AFDN: variants seen among roughly 807,000 people sequenced by gnomAD.
AFDN encodes the protein afadin, adherens junction formation factor, also known as afadin.
Under a neutral mutation model 216.6 loss-of-function variants are expected in AFDN, and 68 were observed. That is an observed-to-expected ratio of 0.31 (90% CI 0.26 to 0.38). The LOEUF (loss-of-function observed/expected upper bound fraction) is 0.38. AFDN is among the 10% of genes least tolerant of loss of function. The pLI is 1.00. For synonymous variants in AFDN, 868 were observed against 853.7 expected, an observed-to-expected ratio of 1.02 and a Z score of -0.29; for missense variants, 2,136 against 2,342.0, an observed-to-expected ratio of 0.91 and a Z score of 1.82.
chr6:167,962,283 T>C lies in AFDN; in HGVS notation c.4834-150T>C. ...CTAAAAAATTGTAAAAAGTTTTATT[T>C]TCCAACAGTGATTTTAACCTGGTAT... is the stretch of plus-strand genomic sequence containing the variant. On this transcript the variant is annotated intron_variant, in intron 30 of 33. Transcript: ENST00000683244. The surrounding 1 kb of genome is among the most constrained non-coding windows in gnomAD (Gnocchi z 5.2). The C allele has an allele frequency of 8.3e-7, 1 of 1,198,350 alleles. No homozygotes were observed. 74.2% of individuals were successfully genotyped at this position (1,198,350 alleles called of 1,614,324 possible). A position where few individuals can be genotyped will look rare whatever the true frequency, so the allele number is the denominator to read the frequency against.
intron 23 of AFDN, among the ~76,000 whole-genome samples, chr6:167,931,664 C>T (rs1490441642): frequency 6.6e-6 from 1 of 151,770 alleles, no homozygotes; most frequent in Non-Finnish European, 1.5e-5. Context: ...TACACACTGC[C>T]GAGATAACAC....
chr6:167,956,818 C>T (rs1222537622), intron 30 of AFDN, among the ~76,000 whole-genome samples: 1 of 152,184 alleles, frequency 6.6e-6, no homozygotes, highest in Non-Finnish European at 1.5e-5. Context: ...ATCTCTGTGC[C>T]CCCGTGACCA....
At chr6:167,932,202 G>A (rs1793393687) in intron 23 of AFDN, among the ~76,000 whole-genome samples, 2 of 152,044 alleles carry the variant, frequency 1.3e-5, no homozygotes, top group Admixed American at 1.3e-4. Context: ...TTTGTCTTTG[G>A]CCCGTTCTTT....
chr6:167,881,725 C>T (rs1052782178), intron 6 of AFDN, among the ~76,000 whole-genome samples: 20 of 152,148 alleles, frequency 1.3e-4, no homozygotes, highest in African/African-American at 3.4e-4. Flanking sequence ...GAATGGAGTC[C>T]GTGGATTTGG....
Position 167,827,063 on chromosome 6 carries a change from C to G in AFDN, c.-70C>G. Reference sequence around the variant, plus strand: ...GGGGTGGCGAGGGGCGCCGGGCCCCCGCGGACCTGTCGTCCTCGGCCCGTC... The same window carrying G: ...GGGGTGGCGAGGGGCGCCGGGCCCCGGCGGACCTGTCGTCCTCGGCCCGTC... On this transcript the variant is annotated 5_prime_UTR_variant, in exon 1 of 34. Coordinates refer to ENST00000683244, the MANE Select transcript of AFDN (RefSeq NM_001386888.1). 1.3e-6 allele frequency: 1 copy of G among 768,134 alleles called. No individual in the cohort carries two copies. Among genetic ancestry groups the G allele is most frequent in the Non-Finnish European group, 1.6e-6 (1 of 623,066 alleles). 47.6% of individuals were successfully genotyped at this position (768,134 alleles called of 1,614,324 possible).
chr6:167,854,923 A>G (rs1398414168), intron 1 of AFDN, among the ~76,000 whole-genome samples: 1 of 151,738 alleles, frequency 6.6e-6, no homozygotes, highest in Non-Finnish European at 1.5e-5. Flanking sequence ...CAACAAAACC[A>G]TTGTATTTTT....
chr6:167,852,220 T>A lies in AFDN; in HGVS notation c.106-12331T>A, dbSNP rs925243948. Among the ~76,000 whole-genome samples, 19 of 152,314 alleles carry A rather than the reference T, an allele frequency of 1.2e-4. No homozygotes were observed. The East Asian group carries it at 3.7e-3, about 29-fold the overall frequency. On this transcript the variant is annotated intron_variant, in intron 1 of 33. Transcript: ENST00000683244. ...TGAGATTCCCTATATCTCTCAAGAA[T>A]GTGGTTTTGCAGTTAATTTATTTGA...
At chr6:167,966,098 C>A in intron 32 of AFDN, 53 bp downstream of exon 32, 2 of 1,536,890 alleles carry the variant, frequency 1.3e-6, no homozygotes, top group South Asian at 1.2e-5. Context: ...TTCTTCCTGC[C>A]CCTCTTAAAC....
chr6:167,850,486 T>G (rs947205605), intron 1 of AFDN, among the ~76,000 whole-genome samples: 30 of 152,220 alleles, frequency 2.0e-4, no homozygotes, highest in Non-Finnish European at 5.9e-5. Context: ...GGAAGCACTT[T>G]GATTATAGGA....
intron 23 of AFDN, among the ~76,000 whole-genome samples, chr6:167,935,330 T>C (rs2128580764): frequency 6.6e-6 from 1 of 152,332 alleles, no homozygotes; most frequent in African/African-American, 2.4e-5. Context: ...CAGTGTGTGC[T>C]ACACGTTGGG....
intron 18 of AFDN, 24 bp from the exon 19 acceptor site, chr6:167,915,144 T>C: frequency 6.2e-7 from 1 of 1,611,694 alleles, no homozygotes; most frequent in Non-Finnish European, 8.5e-7. Flanking sequence ...TTGCTCCTCT[T>C]GTCCTCTCAC....
Position 167,956,131 on chromosome 6 carries a change from A to C in AFDN, c.4833+3944A>C, listed in dbSNP as rs545261255. 5.2e-4 allele frequency among the ~76,000 whole-genome samples: 79 copies of C among 151,186 alleles called. 1 individual carries two copies. Among genetic ancestry groups the C allele is most frequent in the African/African-American group, 1.9e-3 (77 of 41,348 alleles). On this transcript the variant is annotated intron_variant, in intron 30 of 33. Coordinates refer to ENST00000683244, the MANE Select transcript of AFDN (RefSeq NM_001386888.1). ...CTTTGGCTCAAAAAAAAAAAAAAAAAAAAAAAAAACTATAGAATTCTTTTT... is the reference window on the plus strand; with the variant it reads ...CTTTGGCTCAAAAAAAAAAAAAAAACAAAAAAAAACTATAGAATTCTTTTT...
At chr6:167,826,684 T>C (rs938322033), upstream of AFDN, 1 of 451,596 alleles carries the variant, frequency 2.2e-6, no homozygotes, top group African/African-American at 2.0e-5. Flanking sequence ...AGGAACCCGG[T>C]ACCGCCGGTT....
intron 1 of AFDN, among the ~76,000 whole-genome samples, chr6:167,843,690 T>C (rs1781323750): frequency 6.6e-6 from 1 of 152,182 alleles, no homozygotes; most frequent in Non-Finnish European, 1.5e-5. Context: ...TAGATTTCTT[T>C]AGAAATAGGA....
Position 167,896,898 on chromosome 6 carries a change from A to G in AFDN, c.1243A>G (p.Lys415Glu). ...TYEDGSDSRDKPKLYRLQLSV... is the reference protein window; with the variant it reads ...TYEDGSDSRDEPKLYRLQLSV... ...CACAGATGGTTCTGACTCTAGAGAT[A>G]AGCCAAAGCTTTACCGCCTTCAGTT... The change falls in exon 10 of 34, where the codon AAG becomes GAG. Residue 415 changes from lysine to glutamate, a missense_variant. Physicochemically the swap from Lys to Glu is moderately conservative, Grantham distance 56. This residue lies in a region of AFDN where 817 missense variants were observed against 965.7 expected (regional missense o/e 0.85). Transcript: ENST00000683244. The G allele has an allele frequency of 6.2e-7, 1 of 1,613,174 alleles. No individual in the cohort carries two copies. The highest frequency in any genetic ancestry group is 8.5e-7 in the Non-Finnish European group (1 of 1,179,222).
In AFDN at chr6:167,913,401, A is replaced by G; in HGVS notation, c.2038-2A>G. ...GATTTCCCCTCGTCTGTTTTTCTCC[A>G]GGAAGTAGACCAGGTTGACCAGGTA... On this transcript the variant is annotated splice_acceptor_variant, in intron 15 of 33. Transcript: ENST00000683244. LOFTEE classifies it high-confidence loss of function. 3 of 1,535,800 alleles carry G rather than the reference A, an allele frequency of 2.0e-6. No homozygotes were observed. The highest frequency in any genetic ancestry group is 2.6e-6 in the Non-Finnish European group (3 of 1,146,792).
intron 32 of AFDN, 79 bp downstream of exon 32, chr6:167,966,124 G>C (rs779935509): frequency 4.4e-5 from 68 of 1,535,512 alleles, no homozygotes; most frequent in South Asian, 2.7e-4. Context: ...CCACCCCCCT[G>C]CCAGCCACGC....
chr6:167,855,306 T>A (rs561475733), intron 1 of AFDN, among the ~76,000 whole-genome samples: 2 of 152,276 alleles, frequency 1.3e-5, no homozygotes, highest in East Asian at 3.9e-4. Flanking sequence ...CTTGTTGAAA[T>A]GAGCCAAGTT....
chr6:167,963,395 T>C, intron 31 of AFDN: 2 of 1,056,504 alleles, frequency 1.9e-6, no homozygotes, highest in African/African-American at 3.3e-5. Flanking sequence ...AAGCTTTCAG[T>C]GTTACAACTT....
Sources: allele counts gnomAD v4.1 joint callset (sites outside exome capture counted in the v4.1 genomes callset), GRCh38; gene constraint gnomAD v4.1.1; regional missense constraint gnomAD v4.1.1; non-coding constraint Gnocchi (gnomAD v3.1); transcripts MANE v1.5; gene names NCBI Gene and HGNC (gene_info 2026-07-23, HGNC 2026-07-21).